The following NKAIN3 variants were observed in gnomAD, a reference collection of about 807,000 sequenced individuals.
The protein encoded by NKAIN3 is sodium/potassium transporting ATPase interacting 3.
NKAIN3 carries 25 observed loss-of-function variants against 30.2 expected under a neutral mutation model. The ratio of observed to expected loss-of-function variants is 0.83; its 90% confidence interval spans 0.60 to 1.16. The LOEUF is 1.16. Among genes scored for constraint, NKAIN3 ranks in the 50% most tolerant of loss-of-function variants. NKAIN3 has a pLI of 0.00. For synonymous variants in NKAIN3, 91 were observed against 89.6 expected (o/e 1.02, Z -0.09); for missense variants, 225 against 254.1 (o/e 0.89, Z 0.78).
intron 2 of NKAIN3, among the ~76,000 whole-genome samples, chr8:62,586,110 C>A (rs776039413): frequency 6.6e-6 from 1 of 152,018 alleles, no homozygotes; most frequent in Non-Finnish European, 1.5e-5. Context: ...TTGAAAAGTC[C>A]GCAATTTAGT....
intron 1 of NKAIN3, among the ~76,000 whole-genome samples, chr8:62,284,425 G>C (rs1813303286): frequency 6.6e-6 from 1 of 152,050 alleles, no homozygotes; most frequent in Admixed American, 6.6e-5. Context: ...TCGGGAGTTT[G>C]AGATCAGCCT....
At chr8:62,654,338 C>G (rs1004510457) in intron 3 of NKAIN3, among the ~76,000 whole-genome samples, 2 of 152,004 alleles carry the variant, frequency 1.3e-5, no homozygotes, top group Non-Finnish European at 2.9e-5. Flanking sequence ...GAAAATCCAA[C>G]GACTAAATAA....
intron 1 of NKAIN3, among the ~76,000 whole-genome samples, chr8:62,252,326 C>A (rs2129386369): frequency 6.6e-6 from 1 of 152,276 alleles, no homozygotes; most frequent in African/African-American, 2.4e-5. Context: ...ACATTAGTTC[C>A]TCCTAAAAGT....
intron 1 of NKAIN3, among the ~76,000 whole-genome samples, chr8:62,270,656 A>T (rs748676544): frequency 2.0e-5 from 3 of 152,144 alleles, no homozygotes; most frequent in Admixed American, 1.3e-4. Flanking sequence ...CACAAAGAAA[A>T]AAAACCTTAT....
chr8:62,700,371 T>G (rs1814294607), intron 3 of NKAIN3, among the ~76,000 whole-genome samples: 1 of 152,216 alleles, frequency 6.6e-6, no homozygotes, highest in Non-Finnish European at 1.5e-5. Flanking sequence ...CACTGGTGCT[T>G]TCGGTCAGGT....
intron 4 of NKAIN3, among the ~76,000 whole-genome samples, chr8:62,822,865 C>A (rs1423063746): frequency 1.3e-5 from 2 of 152,104 alleles, no homozygotes; most frequent in Non-Finnish European, 2.9e-5. Context: ...GATGGCATAG[C>A]CTTCTACACA....
chr8:62,850,935 G>A (rs1563593079), intron 4 of NKAIN3, among the ~76,000 whole-genome samples: 2 of 152,016 alleles, frequency 1.3e-5, no homozygotes, highest in Non-Finnish European at 2.9e-5. Flanking sequence ...TCTTGGCTAT[G>A]TGGGGTCTTT....
At chr8:62,747,228 C>A (rs763944891) in intron 4 of NKAIN3, 99 bp downstream of exon 4, 6 of 696,130 alleles carry the variant, frequency 8.6e-6, no homozygotes, top group South Asian at 1.9e-5. Context: ...GATAAGCACA[C>A]AGAGAACATC....
intron 1 of NKAIN3, among the ~76,000 whole-genome samples, chr8:62,275,327 G>A (rs914424768): frequency 2.6e-5 from 4 of 152,124 alleles, no homozygotes; most frequent in Non-Finnish European, 4.4e-5. Context: ...GTTTTGATTT[G>A]CATTTCTCTG....
intron 1 of NKAIN3, among the ~76,000 whole-genome samples, chr8:62,271,845 A>C (rs1265395927): frequency 6.6e-6 from 1 of 152,164 alleles, no homozygotes; most frequent in Non-Finnish European, 1.5e-5. Flanking sequence ...CACAACACTT[A>C]GGGAAACTCC....
intron 3 of NKAIN3, among the ~76,000 whole-genome samples, chr8:62,598,688 T>C (rs1386286376): frequency 6.6e-6 from 1 of 151,958 alleles, no homozygotes; most frequent in Admixed American, 6.6e-5. Flanking sequence ...CTCTCTCTAA[T>C]TCATGTCCCT....
chr8:62,810,626 T>C (rs1474383365), intron 4 of NKAIN3, among the ~76,000 whole-genome samples: 3 of 149,050 alleles, frequency 2.0e-5, no homozygotes, highest in African/African-American at 4.9e-5. Flanking sequence ...ATTGTAAGTA[T>C]GTAGGTAGAA....
At chr8:62,905,247 G>A (rs1821742114) in intron 4 of NKAIN3, among the ~76,000 whole-genome samples, 1 of 152,180 alleles carries the variant, frequency 6.6e-6, no homozygotes, top group African/African-American at 2.4e-5. Context: ...TGTACTCAGG[G>A]AGTTGGAGTA....
intron 1 of NKAIN3, among the ~76,000 whole-genome samples, chr8:62,323,893 C>G (rs1313105455): frequency 6.6e-6 from 1 of 151,966 alleles, no homozygotes; most frequent in Non-Finnish European, 1.5e-5. Flanking sequence ...ATATGACATT[C>G]TGGAAAAGAC....
chr8:62,451,352 C>T (rs943310365), intron 1 of NKAIN3, among the ~76,000 whole-genome samples: 1 of 136,952 alleles, frequency 7.3e-6, no homozygotes, highest in Non-Finnish European at 1.6e-5. Context: ...CTCTCCTCTT[C>T]TCTTCATCGA....
chr8:62,765,246 C>CAAAAAAAAAAAAAAAAAAA (rs34477671), intron 4 of NKAIN3, among the ~76,000 whole-genome samples: 1 of 42,518 alleles, frequency 2.4e-5, no homozygotes, highest in African/African-American at 8.0e-5. Context: ...GACTCCATCT[C>CAAAAAAAAAAAAAAAAAAA]AAAAAAAAAA....
chr8:62,724,161 A>G (rs1815185003), intron 3 of NKAIN3, among the ~76,000 whole-genome samples: 1 of 152,114 alleles, frequency 6.6e-6, no homozygotes, highest in East Asian at 1.9e-4. Context: ...TTAGTATTGT[A>G]TACTGTCTCG....
At chr8:62,533,978 C>T (rs994067541) in intron 1 of NKAIN3, among the ~76,000 whole-genome samples, 3 of 152,126 alleles carry the variant, frequency 2.0e-5, no homozygotes, top group Non-Finnish European at 2.9e-5. Flanking sequence ...CTGCAAGTCC[C>T]TTTCTGTGAT....
intron 1 of NKAIN3, among the ~76,000 whole-genome samples, chr8:62,402,345 C>G (rs1001929601): frequency 1.3e-5 from 2 of 152,146 alleles, no homozygotes; most frequent in Non-Finnish European, 2.9e-5. Flanking sequence ...CAGGGCAAGT[C>G]AAGAAATGCT....
Sources: allele counts gnomAD v4.1 joint callset (sites outside exome capture counted in the v4.1 genomes callset), GRCh38; gene constraint gnomAD v4.1.1; transcripts MANE v1.5; gene names NCBI Gene and HGNC (gene_info 2026-07-23, HGNC 2026-07-21).